CRB2: variants seen among roughly 807,000 people sequenced by gnomAD.
CRB2 encodes the protein crumbs cell polarity complex component 2, also known as protein crumbs homolog 2.
Under a neutral mutation model 110.9 loss-of-function variants are expected in CRB2, and 85 were observed. The observed-to-expected ratio is 0.77, with a 90% CI of 0.64 to 0.92. The LOEUF is 0.92. Among genes scored for constraint, CRB2 ranks in the 40% least tolerant of loss-of-function variants. The pLI, the probability that CRB2 is intolerant of heterozygous loss-of-function variation, is 0.00. For missense variants in CRB2, 1,843 were observed against 1,851.3 expected, an observed-to-expected ratio of 1.00 and a Z score of 0.08; for synonymous variants, 907 against 831.0, an observed-to-expected ratio of 1.09 and a Z score of -1.57.
intron 1 of CRB2, among the ~76,000 whole-genome samples, chr9:123,360,413 G>C (rs552686722): frequency 6.6e-6 from 1 of 151,858 alleles, no homozygotes. Context: ...AGCCTGGCCC[G>C]GGAAGGGGGG....
chr9:123,379,213 C>A (rs1038758677), downstream of CRB2, among the ~76,000 whole-genome samples: 17 of 152,088 alleles, frequency 1.1e-4, no homozygotes, highest in Non-Finnish European at 2.9e-5. Context: ...GCATGTTCCA[C>A]GCTCACTATG....
At chr9:123,354,678 A>C (rs915373900), upstream of CRB2, among the ~76,000 whole-genome samples, 2 of 152,156 alleles carry the variant, frequency 1.3e-5, no homozygotes, top group Non-Finnish European at 2.9e-5. Context: ...CAGGGGATTA[A>C]AGATGGACTG....
chr9:123,366,028 G>T lies in CRB2; in HGVS notation c.530G>T (p.Gly177Val). 6.3e-7 allele frequency: 1 copy of T among 1,589,936 alleles called. No individual in the cohort carries two copies. Residue 177 changes from glycine (G) to valine (V), a missense_variant, in exon 3 of 13, where the codon GGG becomes GTG. By Grantham distance (109) the Gly-to-Val change is moderately radical. Transcript: ENST00000373631. ...CGCTGTGTGTGCGCGCCAGGCTACG[G>T]GGGCACCCGTTGCCAGCTGGACCTC... ...SFRCVCAPGY[G>V]GTRCQLDLDE...
At chr9:123,378,806 T>TTTTTTTTTTTTG (rs1307412588), downstream of CRB2, 3 of 52,190 alleles carry the variant, frequency 5.7e-5, no homozygotes, top group Non-Finnish European at 9.7e-5. Context: ...CTGTTTTTTG[T>TTTTTTTTTTTTG]TTTTTTTTTT....
chr9:123,355,437 A>G (rs546239441), upstream of CRB2, among the ~76,000 whole-genome samples: 2 of 151,944 alleles, frequency 1.3e-5, no homozygotes, highest in South Asian at 4.2e-4. Flanking sequence ...AGTGGAAGAA[A>G]GCTGGGAAAG....
At chr9:123,361,135 G>GGC (rs550171712) in intron 1 of CRB2, among the ~76,000 whole-genome samples, 1 of 67,726 alleles carries the variant, frequency 1.5e-5, no homozygotes, top group Middle Eastern at 7.5e-3. Flanking sequence ...GGATGGGCGG[G>GGC]GAGGGGGGGG....
chr9:123,368,756 C>T (rs2041973544), intron 6 of CRB2: 3 of 1,135,226 alleles, frequency 2.6e-6, no homozygotes, highest in East Asian at 9.2e-5. Context: ...CCATGCTGGG[C>T]ATGGGGGAGG....
chr9:123,364,456 A>G (rs775734842), intron 2 of CRB2, among the ~76,000 whole-genome samples: 1 of 137,494 alleles, frequency 7.3e-6, no homozygotes, highest in African/African-American at 2.6e-5. Flanking sequence ...TGGGGGCAGC[A>G]TCTGCCGTGA....
chr9:123,357,818 C>T (rs549738797), intron 1 of CRB2, among the ~76,000 whole-genome samples: 1 of 152,350 alleles, frequency 6.6e-6, no homozygotes, highest in South Asian at 2.1e-4. Flanking sequence ...TCTACCAGCA[C>T]ATGCACCTAC....
rs1261792316 is a variant in CRB2, at chr9:123,356,198, C to T, written c.-63C>T. On this transcript the variant is annotated 5_prime_UTR_variant, in exon 1 of 13. Coordinates refer to ENST00000373631, the MANE Select transcript of CRB2 (RefSeq NM_173689.7). ...GCTGGTTGGAGGGACGAGGGGGGTG[C>T]GGAGCCAGCCAGGCCGCCCTCCCGT... 2.9e-5 allele frequency: 35 copies of T among 1,190,346 alleles called. No homozygotes were observed. The highest frequency in any genetic ancestry group is 8.4e-5 in the East Asian group (3 of 35,550). 73.7% of individuals were successfully genotyped at this position (1,190,346 alleles called of 1,614,324 possible). A position where few individuals can be genotyped will look rare whatever the true frequency, so the allele number is the denominator to read the frequency against.
rs375095040 is a variant in CRB2 at position 123,370,800 on chromosome 9, G to A, written c.1747G>A (p.Val583Met). The change falls in exon 7 of 13, where the codon GTG becomes ATG. Residue 583 changes from valine (V) to methionine (M), a missense_variant. Val to Met is a conservative substitution (Grantham distance 21). Transcript: ENST00000373631. ...GACCTTTGCAGGCTGCCTCCAGGAC[G>A]TGCGTGTGGATGGCCACCTCCTGCT... is the stretch of plus-strand genomic sequence containing the variant. ...DATFAGCLQD[V>M]RVDGHLLLPE... 1.5e-5 allele frequency: 24 copies of A among 1,603,248 alleles called. No homozygotes were observed. The highest frequency in any genetic ancestry group is 1.7e-5 in the Non-Finnish European group (20 of 1,179,814).
chr9:123,370,133 T>A lies in CRB2; in HGVS notation c.1080T>A (p.Asp360Glu). The part of the protein sequence containing the change: ...YAGPTCEEDV[D>E]ECLSDPCLHG... ...GGCCGACATGTGAGGAAGATGTGGA[T>A]GAATGCCTGTCGGATCCCTGCCTGC... Residue 360 changes from aspartate (D) to glutamate (E), a missense_variant, in exon 7 of 13, where the codon GAT becomes GAA. Transcript: ENST00000373631. 1.3e-6 allele frequency: 2 copies of A among 1,596,502 alleles called. No homozygotes were observed. Among genetic ancestry groups the A allele is most frequent in the Non-Finnish European group, 1.7e-6 (2 of 1,169,564 alleles).
In CRB2 at chr9:123,370,495, A is replaced by G; in HGVS notation, c.1442A>G (p.Lys481Arg). 6.2e-7 allele frequency: 1 copy of G among 1,613,498 alleles called. No homozygotes were observed. The highest frequency in any genetic ancestry group is 8.5e-7 in the Non-Finnish European group (1 of 1,180,024). The change falls in exon 7 of 13, where the codon AAG becomes AGG. Residue 481 changes from lysine (K) to arginine (R), a missense_variant. Coordinates refer to ENST00000373631, the MANE Select transcript of CRB2 (RefSeq NM_173689.7). ...ACCTTGGCCACTCGCAATGACACCA[A>G]GGAAAGCTTGGAGCTGGCATTGGTG... Reference protein sequence around the residue: ...AGTLATRNDTKESLELALVAA... With the variant: ...AGTLATRNDTRESLELALVAA...
intron 12 of CRB2, 47 bp downstream of exon 12, chr9:123,375,390 C>T (rs374045832): frequency 6.7e-5 from 103 of 1,529,964 alleles, no homozygotes; most frequent in Admixed American, 3.5e-4. Flanking sequence ...CCTGCTGGGC[C>T]CTTGGCGAGA....
Position 123,364,520 on chromosome 9 carries a change from G to A in CRB2, c.418+1332G>A, listed in dbSNP as rs764738423. ...CGGGTGGGGGAGTTTGGGATTTCCA[G>A]ACAAGGCCTGGCTCCCCCTGGCACA... On this transcript the variant is annotated intron_variant, in intron 2 of 12. Coordinates refer to ENST00000373631, the MANE Select transcript of CRB2 (RefSeq NM_173689.7). Among the ~76,000 whole-genome samples the A allele has an allele frequency of 4.4e-4, 65 of 148,340 alleles. 1 individual carries two copies. The highest frequency in any genetic ancestry group is 1.0e-4 in the Non-Finnish European group (7 of 67,020).
chr9:123,366,819 C>T (rs2041939070), intron 4 of CRB2, among the ~76,000 whole-genome samples: 1 of 151,870 alleles, frequency 6.6e-6, no homozygotes, highest in South Asian at 2.1e-4. Context: ...AGCATGGTGG[C>T]ATGTACCTGT....
At chr9:123,380,066 CAT>C (rs996963573), downstream of CRB2, 2 of 152,048 alleles carry the variant, frequency 1.3e-5, no homozygotes, top group Non-Finnish European at 2.9e-5. Flanking sequence ...GCCTCTCAGA[CAT>C]AGAGGGGGCT....
At chr9:123,363,293 C>CTGGGGGCGTCCCTA in intron 2 of CRB2, 105 bp downstream of exon 2, 1 of 1,221,462 alleles carries the variant, frequency 8.2e-7, no homozygotes, top group Non-Finnish European at 1.1e-6. Context: ...GTAGGGACGC[C>CTGGGGGCGTCCCTA]CCCAGGCATC....
intron 6 of CRB2, chr9:123,368,682 G>C: frequency 2.4e-6 from 2 of 818,034 alleles, no homozygotes; most frequent in Non-Finnish European, 3.1e-6. Context: ...TCTGAGGTCA[G>C]AGCCAGGGAG....
Sources: gnomAD v4.1 joint callset for allele counts (sites outside exome capture counted in the v4.1 genomes callset) on GRCh38, gnomAD v4.1.1 for gene constraint, MANE v1.5 for transcripts, NCBI Gene and HGNC (gene_info 2026-07-23, HGNC 2026-07-21) for gene names.